Variants in CORO2A observed in about 807,000 individuals in gnomAD.
The protein encoded by CORO2A is coronin 2A.
A neutral mutation model predicts 62.4 loss-of-function variants in CORO2A; 47 were observed. The ratio of observed to expected loss-of-function variants is 0.75; its 90% CI spans 0.60 to 0.96. The LOEUF (loss-of-function observed/expected upper bound fraction) is 0.96. Among genes scored for constraint, CORO2A ranks in the 40% least tolerant of loss-of-function variants. CORO2A has a pLI of 0.00. For missense variants in CORO2A, 610 were observed against 684.1 expected (o/e 0.89, Z 1.21); for synonymous variants, 273 against 268.9 (o/e 1.02, Z -0.15).
In CORO2A at chr9:98,183,024, A is replaced by G. The variant is rs903705403; in HGVS notation, c.-1+9535T>C. 2.6e-5 allele frequency among the ~76,000 whole-genome samples: 4 copies of G among 152,240 alleles called. No individual in the cohort carries two copies. The East Asian group carries it at 5.8e-4, about 22-fold the overall frequency. ...TGAGATGGGATCAAAGACCAAGAAC[A>G]CAAATCGTTAAGGGACAAGGGTCTA... On this transcript the variant is annotated intron_variant, in intron 1 of 11. Coordinates refer to ENST00000375077, the MANE Select transcript of CORO2A (RefSeq NM_052820.4).
At position 98,123,355 on chromosome 9, in the gene CORO2A, C is replaced by T. The variant is rs542818958; in HGVS notation, c.*1419G>A. On this transcript the variant is annotated 3_prime_UTR_variant, in exon 12 of 12. Coordinates refer to ENST00000375077, the MANE Select transcript of CORO2A (RefSeq NM_052820.4). ...GGTCAAATCACTAGCTTTCAAACTT[C>T]TAAAAAAATTTTTTTTTCCTAGCAG... 1 of 152,248 alleles carries T rather than the reference C, an allele frequency of 6.6e-6. No homozygotes were observed. The highest frequency in any genetic ancestry group is 1.5e-5 in the Non-Finnish European group (1 of 68,002). The allele number at this position is 152,248 out of a possible 1,614,324, so 9.4% of individuals were successfully genotyped here. A position where few individuals can be genotyped will look rare whatever the true frequency, so the allele number is the denominator to read the frequency against.
chr9:98,191,248 TCAGACGGTCC>T (rs377256694), intron 1 of CORO2A, among the ~76,000 whole-genome samples: 35,765 of 152,096 alleles, frequency 0.24, 4,279 homozygotes, highest in African/African-American at 0.25. Context: ...TCCGGACCTC[TCAGACGGTCC>T]CCAGGAGGGG....
At chr9:98,187,458 CAA>C (rs10532253) in intron 1 of CORO2A, among the ~76,000 whole-genome samples, 53,690 of 127,614 alleles carry the variant, frequency 0.42, 10,753 homozygotes, top group South Asian at 0.49. Flanking sequence ...AACTCCATCT[CAA>C]AAAAAAAAAA....
At chr9:98,190,348 G>A (rs1042301537) in intron 1 of CORO2A, among the ~76,000 whole-genome samples, 2 of 152,202 alleles carry the variant, frequency 1.3e-5, no homozygotes, top group African/African-American at 2.4e-5. Context: ...TGCCACAGGC[G>A]AATCCCTATA....
intron 2 of CORO2A, among the ~76,000 whole-genome samples, chr9:98,141,946 AAACT>A (rs1827574527): frequency 1.3e-5 from 2 of 152,276 alleles, no homozygotes; most frequent in African/African-American, 4.8e-5. Context: ...TGAGAAAAAA[AAACT>A]AAAAGGAATG....
intron 1 of CORO2A, among the ~76,000 whole-genome samples, chr9:98,170,693 T>G (rs1828021324): frequency 6.6e-6 from 1 of 152,196 alleles, no homozygotes; most frequent in African/African-American, 2.4e-5. Flanking sequence ...TCTGCCCACC[T>G]TGGCCTCCCA....
chr9:98,164,907 A>G (rs1361700104), intron 1 of CORO2A, among the ~76,000 whole-genome samples: 7 of 151,966 alleles, frequency 4.6e-5, no homozygotes, highest in Non-Finnish European at 1.0e-4. Flanking sequence ...AGTCTTACTT[A>G]GGCAAACAGG....
At chr9:98,175,029 G>A (rs928554933) in intron 1 of CORO2A, among the ~76,000 whole-genome samples, 3 of 152,090 alleles carry the variant, frequency 2.0e-5, no homozygotes, top group African/African-American at 7.2e-5. Flanking sequence ...CAGCTTTCCT[G>A]AACTCCCTGG....
rs114094433 is a variant in CORO2A at position 98,141,284 on chromosome 9, G to T, written c.202-3596C>A. Among the ~76,000 whole-genome samples, 301 of 151,858 alleles carry T rather than the reference G, an allele frequency of 2.0e-3. 1 individual carries two copies. Among genetic ancestry groups the T allele is most frequent in the African/African-American group, 7.1e-3 (295 of 41,434 alleles). On this transcript the variant is annotated intron_variant, in intron 2 of 11. Coordinates refer to ENST00000375077, the MANE Select transcript of CORO2A (RefSeq NM_052820.4). ...CTGTCCTGGCAGGGCGGTACCTGGA[G>T]CTAGGGTCTTAGAAGGACACTGCAC...
intron 1 of CORO2A, among the ~76,000 whole-genome samples, chr9:98,190,882 T>C (rs1828298182): frequency 6.6e-6 from 1 of 152,210 alleles, no homozygotes; most frequent in African/African-American, 2.4e-5. Context: ...ATAACACTCA[T>C]TTGTGGTCCA....
intron 1 of CORO2A, among the ~76,000 whole-genome samples, chr9:98,188,920 C>T (rs1204065961): frequency 3.3e-5 from 5 of 152,136 alleles, no homozygotes; most frequent in African/African-American, 1.2e-4. Context: ...ATTAGGCAGG[C>T]GGTAAACCCT....
rs148548200 is a variant in CORO2A, at chr9:98,188,756, C to T, written c.-1+3803G>A. ...CTGCACTTCAGCCTGGGAGACAGAG[C>T]GAGACTCTGTCTCAGAAAACAACAA... On this transcript the variant is annotated intron_variant, in intron 1 of 11. Transcript: ENST00000375077. Among the ~76,000 whole-genome samples the T allele has an allele frequency of 1.6e-3, 239 of 151,998 alleles. 1 individual carries two copies. The highest frequency in any genetic ancestry group is 5.6e-3 in the African/African-American group (234 of 41,440).
chr9:98,134,796 C>G lies in CORO2A; in HGVS notation c.468+10G>C, dbSNP rs757796310. The G allele has an allele frequency of 1.9e-6, 3 of 1,599,596 alleles. No individual in the cohort carries two copies. The East Asian group carries it at 6.8e-5, about 36-fold the overall frequency. On this transcript the variant is annotated intron_variant, in intron 4 of 11. Coordinates refer to ENST00000375077, the MANE Select transcript of CORO2A (RefSeq NM_052820.4). ...TGGGGCTGCCCCAGAGAAAGAATACCCAGACTCACCTTGTAGTCATAGCCA... is the reference window on the plus strand; with the variant it reads ...TGGGGCTGCCCCAGAGAAAGAATACGCAGACTCACCTTGTAGTCATAGCCA...
chr9:98,184,573 G>A (rs1171395834), intron 1 of CORO2A, among the ~76,000 whole-genome samples: 3 of 152,056 alleles, frequency 2.0e-5, no homozygotes, highest in Non-Finnish European at 2.9e-5. Context: ...CAGTGCTCCC[G>A]TCCTCTATCC....
intron 2 of CORO2A, among the ~76,000 whole-genome samples, chr9:98,150,769 G>C (rs1827712457): frequency 1.3e-5 from 2 of 152,164 alleles, no homozygotes; most frequent in Non-Finnish European, 2.9e-5. Flanking sequence ...GCAAAGCTTG[G>C]AAGAAACAAG....
At chr9:98,160,066 C>T (rs781002110) in intron 1 of CORO2A, among the ~76,000 whole-genome samples, 2 of 152,186 alleles carry the variant, frequency 1.3e-5, no homozygotes, top group Middle Eastern at 3.2e-3. Flanking sequence ...CCAGGTAGCA[C>T]GTCAGTCTTG....
chr9:98,177,387 G>A (rs948834603), intron 1 of CORO2A, among the ~76,000 whole-genome samples: 1 of 151,828 alleles, frequency 6.6e-6, no homozygotes, highest in Non-Finnish European at 1.5e-5. Context: ...GATCACAAAC[G>A]TGGTGGCGTG....
intron 2 of CORO2A, among the ~76,000 whole-genome samples, chr9:98,143,440 G>A (rs1827601573): frequency 1.3e-5 from 2 of 152,222 alleles, no homozygotes; most frequent in South Asian, 4.1e-4. Flanking sequence ...AGGACGGGCA[G>A]AGGGAGGACA....
chr9:98,180,320 C>T (rs924432133), intron 1 of CORO2A, among the ~76,000 whole-genome samples: 5 of 152,070 alleles, frequency 3.3e-5, no homozygotes, highest in African/African-American at 4.8e-5. Context: ...TCTGTATGAC[C>T]GGCTGCTACA....
Sources: gnomAD v4.1 joint callset for allele counts (sites outside exome capture counted in the v4.1 genomes callset) on GRCh38, gnomAD v4.1.1 for gene constraint, MANE v1.5 for transcripts, NCBI Gene and HGNC (gene_info 2026-07-23, HGNC 2026-07-21) for gene names.